The following TRAPPC3 variants were observed in gnomAD, a reference collection of about 807,000 sequenced individuals.
TRAPPC3 encodes the protein trafficking protein particle complex subunit 3.
Under a neutral mutation model 18.2 loss-of-function variants are expected in TRAPPC3, and 5 were observed. The observed-to-expected ratio is 0.28, with a 90% CI of 0.14 to 0.58. The LOEUF (loss-of-function observed/expected upper bound fraction) is 0.58. TRAPPC3 is among the 20% of genes least tolerant of loss of function. The pLI, the probability that TRAPPC3 is intolerant of heterozygous loss-of-function variation, is 0.91. For missense variants in TRAPPC3, 176 were observed against 225.9 expected, an observed-to-expected ratio of 0.78 and a Z score of 1.41; for synonymous variants, 65 against 84.2, an observed-to-expected ratio of 0.77 and a Z score of 1.25.
rs556705736 is a variant in TRAPPC3 at position 36,146,390 on chromosome 1, G to A, written c.42+2947C>T. Among the ~76,000 whole-genome samples, 89 of 150,736 alleles carry A rather than the reference G, an allele frequency of 5.9e-4. 1 individual carries two copies. The highest frequency in any genetic ancestry group is 3.1e-3 in the Admixed American group (47 of 15,142). On this transcript the variant is annotated intron_variant, in intron 1 of 4. Coordinates refer to ENST00000373166, the MANE Select transcript of TRAPPC3 (RefSeq NM_014408.5). ...CAGCTCACTGCAAGCTCCGCCTCCCGGGTTCAGGCCATTCTCCTGCCTCAG... is the reference window on the plus strand; with the variant it reads ...CAGCTCACTGCAAGCTCCGCCTCCCAGGTTCAGGCCATTCTCCTGCCTCAG...
chr1:36,149,240 A>C, intron 1 of TRAPPC3, 97 bp downstream of exon 1: 5 of 1,571,454 alleles, frequency 3.2e-6, no homozygotes, highest in Non-Finnish European at 4.3e-6. Flanking sequence ...GCTCACAGGA[A>C]GGCCCTTTTC....
chr1:36,146,575 C>T (rs532119530), intron 1 of TRAPPC3, among the ~76,000 whole-genome samples: 15 of 144,232 alleles, frequency 1.0e-4, no homozygotes, highest in African/African-American at 3.7e-4. Context: ...TGAGCCACCG[C>T]ACCCAGCCTA....
In TRAPPC3 at chr1:36,137,310, C is replaced by T. The variant is rs2124136205; in HGVS notation, c.436G>A (p.Val146Met). ...RGALEMVQMAVEAKFVQDTLK... is the reference protein window; with the variant it reads ...RGALEMVQMAMEAKFVQDTLK... ...GTGTCCTGGACAAACTTGGCCTCCA[C>T]AGCCATCTGGACCTGGGGGACAGTG... The change falls in exon 5 of 5, where the codon GTG (valine) becomes ATG (methionine). Residue 146 changes from valine to methionine, a missense_variant. By Grantham distance (21) the Val-to-Met change is conservative. Coordinates refer to ENST00000373166, the MANE Select transcript of TRAPPC3 (RefSeq NM_014408.5). 2 of 1,611,680 alleles carry T rather than the reference C, an allele frequency of 1.2e-6. No homozygotes were observed. Among genetic ancestry groups the T allele is most frequent in the Non-Finnish European group, 1.7e-6 (2 of 1,177,970 alleles).
At chr1:36,138,408 G>A (rs955965882) in intron 3 of TRAPPC3, among the ~76,000 whole-genome samples, 2 of 151,984 alleles carry the variant, frequency 1.3e-5, no homozygotes, top group African/African-American at 4.8e-5. Flanking sequence ...ACACATTACT[G>A]GGCAGAGAAA....
At chr1:36,153,909 A>T (rs548520449), upstream of TRAPPC3, among the ~76,000 whole-genome samples, 3 of 152,312 alleles carry the variant, frequency 2.0e-5, no homozygotes, top group Admixed American at 2.0e-4. Context: ...GTTTCCAAGC[A>T]TTTGGCATTC....
chr1:36,140,227 G>T, intron 1 of TRAPPC3, 61 bp from the exon 2 acceptor site: 1 of 1,044,388 alleles, frequency 9.6e-7, no homozygotes, highest in Non-Finnish European at 1.4e-6. Context: ...CGTGGTGAGA[G>T]TCTGGACCAG....
chr1:36,139,681 G>C lies in TRAPPC3; in HGVS notation c.240+39C>G, dbSNP rs374319020. On this transcript the variant is annotated intron_variant, in intron 3 of 4. Coordinates refer to ENST00000373166, the MANE Select transcript of TRAPPC3 (RefSeq NM_014408.5). ...GAGTGGTAAGCAGTGCCTCTCAGCAGCAATTCTTCAGCATGGACAGGTGGC... is the reference window on the plus strand; with the variant it reads ...GAGTGGTAAGCAGTGCCTCTCAGCACCAATTCTTCAGCATGGACAGGTGGC... 69 of 1,612,528 alleles carry C rather than the reference G, an allele frequency of 4.3e-5. No individual in the cohort carries two copies. The East Asian group carries it at 4.9e-4, about 11-fold the overall frequency.
In TRAPPC3 at chr1:36,149,479, C is replaced by T. The variant is rs1235581041; in HGVS notation, c.-101G>A. ...GCTGCCCCTCAGCCCACAAGACCGACCGGCACTGACTCACTGCGCCTGCGC... is the reference window on the plus strand; with the variant it reads ...GCTGCCCCTCAGCCCACAAGACCGATCGGCACTGACTCACTGCGCCTGCGC... On this transcript the variant is annotated 5_prime_UTR_variant, in exon 1 of 5. Transcript: ENST00000373166. 1.0e-5 allele frequency: 15 copies of T among 1,469,426 alleles called. No homozygotes were observed. Among genetic ancestry groups the T allele is most frequent in the Non-Finnish European group, 1.3e-5 (14 of 1,075,808 alleles). The allele number at this position is 1,469,426 out of a possible 1,614,324, so 91.0% of individuals were successfully genotyped here. A position where few individuals can be genotyped will look rare whatever the true frequency, so the allele number is the denominator to read the frequency against.
chr1:36,140,374 TA>T, intron 1 of TRAPPC3: 1 of 434,984 alleles, frequency 2.3e-6, no homozygotes. Context: ...AAATGGGCTG[TA>T]AAAGGCACCT....
intron 1 of TRAPPC3, among the ~76,000 whole-genome samples, chr1:36,148,765 C>T (rs574458587): frequency 1.1e-4 from 17 of 152,310 alleles, no homozygotes; most frequent in Admixed American, 4.6e-4. Context: ...ATCTCTTATT[C>T]CATTGAATAA....
At chr1:36,145,971 G>C (rs1242599570) in intron 1 of TRAPPC3, among the ~76,000 whole-genome samples, 1 of 151,332 alleles carries the variant, frequency 6.6e-6, no homozygotes. Flanking sequence ...GTAGAGACAG[G>C]GTTTCACCGT....
At chr1:36,142,856 C>A (rs985048179) in intron 1 of TRAPPC3, among the ~76,000 whole-genome samples, 1 of 151,308 alleles carries the variant, frequency 6.6e-6, no homozygotes, top group African/African-American at 2.5e-5. Context: ...CACTGAGACC[C>A]CCAACTTTAC....
At position 36,137,187 on chromosome 1, in the gene TRAPPC3, C is replaced by G. The variant is rs778258397; in HGVS notation, c.*16G>C. 4 of 1,599,258 alleles carry G rather than the reference C, an allele frequency of 2.5e-6. No homozygotes were observed. Among genetic ancestry groups the G allele is most frequent in the Non-Finnish European group, 3.4e-6 (4 of 1,167,586 alleles). Reference sequence around the variant, plus strand: ...CAACAGTGCTCCTGATGGCTATCCTCGAGTTGTAGGGATGGTTATTCCTCT... The same window carrying G: ...CAACAGTGCTCCTGATGGCTATCCTGGAGTTGTAGGGATGGTTATTCCTCT... On this transcript the variant is annotated 3_prime_UTR_variant, in exon 5 of 5. Coordinates refer to ENST00000373166, the MANE Select transcript of TRAPPC3 (RefSeq NM_014408.5).
upstream of TRAPPC3, among the ~76,000 whole-genome samples, chr1:36,150,768 A>G (rs1252013755): frequency 6.6e-6 from 1 of 152,180 alleles, no homozygotes; most frequent in African/African-American, 2.4e-5. Flanking sequence ...CCAAGGGCCG[A>G]GGGCTCTGGG....
intron 1 of TRAPPC3, among the ~76,000 whole-genome samples, chr1:36,143,822 G>A (rs574980808): frequency 6.6e-6 from 1 of 152,166 alleles, no homozygotes; most frequent in Non-Finnish European, 1.5e-5. Context: ...TAATCTTCCT[G>A]AACATTAGTT....
Position 36,149,426 on chromosome 1 carries a change from G to A in TRAPPC3, c.-48C>T, listed in dbSNP as rs1433261738. 17 of 1,604,376 alleles carry A rather than the reference G, an allele frequency of 1.1e-5. No homozygotes were observed. The highest frequency in any genetic ancestry group is 2.2e-5 in the South Asian group (2 of 90,304). The stretch of plus-strand genomic sequence containing the variant: ...TCGCCTAGCCACGGGTTAGCTCGGC[G>A]ACCCCTGCAGACGCCGGAGCCTAAG... On this transcript the variant is annotated 5_prime_UTR_variant, in exon 1 of 5. Coordinates refer to ENST00000373166, the MANE Select transcript of TRAPPC3 (RefSeq NM_014408.5).
chr1:36,154,849 C>T (rs552332102), intron 1 of TRAPPC3, among the ~76,000 whole-genome samples: 35 of 152,268 alleles, frequency 2.3e-4, no homozygotes, highest in South Asian at 8.3e-4. Flanking sequence ...CTCCAGTTGC[C>T]GCCCTTCTAT....
chr1:36,145,146 C>T (rs183778359), intron 1 of TRAPPC3, among the ~76,000 whole-genome samples: 242 of 152,120 alleles, frequency 1.6e-3, no homozygotes, highest in African/African-American at 4.9e-3. Flanking sequence ...CTTGGCCTCC[C>T]GAGTAGCTGG....
At chr1:36,139,544 A>G in intron 3 of TRAPPC3, 176 bp downstream of exon 3, 1 of 771,464 alleles carries the variant, frequency 1.3e-6, no homozygotes, top group Non-Finnish European at 2.0e-6. Context: ...TTTAATCCAC[A>G]GGGATTAAAT....
Sources: allele counts gnomAD v4.1 joint callset (sites outside exome capture counted in the v4.1 genomes callset), GRCh38; gene constraint gnomAD v4.1.1; transcripts MANE v1.5; gene names NCBI Gene and HGNC (gene_info 2026-07-23, HGNC 2026-07-21).